The following SP100 variants were observed in gnomAD, a reference collection of about 807,000 sequenced individuals.
The protein encoded by SP100 is SP100 nuclear body protein, also known as nuclear autoantigen Sp-100.
A neutral mutation model predicts 130.0 loss-of-function variants in SP100; 84 were observed. The observed-to-expected ratio is 0.65, with a 90% CI of 0.54 to 0.77. The LOEUF is 0.77. Among genes scored for constraint, SP100 ranks in the 30% least tolerant of loss-of-function variants. The pLI is 0.00. For missense variants in SP100, 978 were observed against 1,052.2 expected (o/e 0.93, Z 0.97); for synonymous variants, 331 against 351.7 (o/e 0.94, Z 0.66).
At chr2:230,478,696 T>C (rs1320664819) in intron 17 of SP100, among the ~76,000 whole-genome samples, 2 of 152,164 alleles carry the variant, frequency 1.3e-5, no homozygotes, top group Non-Finnish European at 2.9e-5. Context: ...ATTTTTAAAA[T>C]CTGGTCAGTG....
chr2:230,471,025 A>T (rs1365694327), intron 15 of SP100, among the ~76,000 whole-genome samples: 2 of 152,220 alleles, frequency 1.3e-5, no homozygotes, highest in Admixed American at 6.5e-5. Context: ...GGAGGGAAAA[A>T]TAAAAATCGC....
In SP100 at chr2:230,449,383, G is replaced by A. The variant is rs746417760; in HGVS notation, c.587-178G>A. The A allele has an allele frequency of 1.5e-5, 12 of 812,744 alleles. No individual in the cohort carries two copies. In the African/African-American group the frequency reaches 1.5e-4, roughly 10 times the overall value. The allele number at this position is 812,744 out of a possible 1,614,324, so 50.3% of individuals were successfully genotyped here. A position where few individuals can be genotyped will look rare whatever the true frequency, so the allele number is the denominator to read the frequency against. ...TGCTGCTGGTTCCTGCTGCCGCTGA[G>A]CCTGGTCGTTTTACCCATGTGCCTG... On this transcript the variant is annotated intron_variant, in intron 6 of 28. Transcript: ENST00000340126.
chr2:230,515,093 A>G, intron 24 of SP100: 1 of 1,612,702 alleles, frequency 6.2e-7, no homozygotes, highest in Non-Finnish European at 8.5e-7. Flanking sequence ...CAAACTTGTC[A>G]GGAGGAGCAT....
intron 24 of SP100, among the ~76,000 whole-genome samples, chr2:230,531,416 T>C (rs1168397167): frequency 9.7e-6 from 1 of 102,710 alleles, no homozygotes; most frequent in Non-Finnish European, 1.9e-5. Context: ...CGGGGCCTGT[T>C]GGGGGGTTGA....
chr2:230,429,312 G>A (rs539608610), intron 2 of SP100, among the ~76,000 whole-genome samples: 8 of 152,252 alleles, frequency 5.3e-5, no homozygotes, highest in African/African-American at 1.4e-4. Context: ...GGTTTCTGCC[G>A]AGAAATTTGC....
chr2:230,424,298 G>A (rs1457786680), intron 2 of SP100, among the ~76,000 whole-genome samples: 1 of 152,222 alleles, frequency 6.6e-6, no homozygotes, highest in East Asian at 1.9e-4. Context: ...TCAAAAGAAT[G>A]AGCCATGCCC....
At chr2:230,506,668 G>A in intron 22 of SP100, 1 of 431,912 alleles carries the variant, frequency 2.3e-6, no homozygotes, top group Non-Finnish European at 4.1e-6. Context: ...TTTGAAGGTT[G>A]GACAGTAAAT....
chr2:230,543,009 A>C lies in SP100; in HGVS notation c.*63A>C. On this transcript the variant is annotated 3_prime_UTR_variant, in exon 29 of 29. Transcript: ENST00000340126. The stretch of plus-strand genomic sequence containing the variant: ...AGCTACGCAATGTGCCTGTGGTCCC[A>C]CTAATCTGTGACTGCTCCTGTGGAA... 1.1e-6 allele frequency: 1 copy of C among 898,076 alleles called. No individual in the cohort carries two copies. The highest frequency in any genetic ancestry group is 1.8e-6 in the Non-Finnish European group (1 of 551,652). 55.6% of individuals were successfully genotyped at this position (898,076 alleles called of 1,614,324 possible).
chr2:230,515,492 A>T (rs1237973777), intron 24 of SP100: 1 of 1,613,230 alleles, frequency 6.2e-7, no homozygotes, highest in Non-Finnish European at 8.5e-7. Context: ...AAATACAAAA[A>T]GGATATTGCT....
chr2:230,503,115 A>G lies in SP100; in HGVS notation c.1765+5A>G. The G allele has an allele frequency of 6.3e-7, 1 of 1,576,736 alleles. No homozygotes were observed. Among genetic ancestry groups the G allele is most frequent in the Non-Finnish European group, 8.7e-7 (1 of 1,150,488 alleles). ...TGAAAAGAAGAAGAAAAAGAGGTAAATAGAAGTGATCGATATGTTTTTCAT... is the reference window on the plus strand; with the variant it reads ...TGAAAAGAAGAAGAAAAAGAGGTAAGTAGAAGTGATCGATATGTTTTTCAT... On this transcript the variant is annotated splice_donor_5th_base_variant and intron_variant, in intron 20 of 28. Transcript: ENST00000340126.
chr2:230,454,632 T>A (rs1252260272), intron 8 of SP100, among the ~76,000 whole-genome samples: 1 of 152,208 alleles, frequency 6.6e-6, no homozygotes, highest in East Asian at 1.9e-4. Context: ...TTCATATCAT[T>A]GTGGTCAGAA....
chr2:230,424,198 A>G (rs562306839), intron 2 of SP100, among the ~76,000 whole-genome samples: 2 of 152,288 alleles, frequency 1.3e-5, no homozygotes, highest in South Asian at 4.1e-4. Flanking sequence ...GCCCCAGAAA[A>G]GAATTTGAAG....
intron 24 of SP100, among the ~76,000 whole-genome samples, chr2:230,514,280 C>T (rs1297865846): frequency 2.0e-5 from 3 of 152,072 alleles, no homozygotes; most frequent in African/African-American, 7.2e-5. Context: ...ATGAGTGATT[C>T]ACAGCATTAA....
intron 24 of SP100, among the ~76,000 whole-genome samples, chr2:230,536,739 C>A (rs1691958033): frequency 2.0e-5 from 2 of 99,578 alleles, no homozygotes; most frequent in Admixed American, 1.0e-4. Flanking sequence ...GCTGCAGCAC[C>A]CGACTAAAGC....
At chr2:230,425,054 C>T (rs1575587453) in intron 2 of SP100, among the ~76,000 whole-genome samples, 1 of 152,118 alleles carries the variant, frequency 6.6e-6, no homozygotes, top group South Asian at 2.1e-4. Flanking sequence ...AGGTGTAAAA[C>T]ATGATGATTT....
intron 24 of SP100, among the ~76,000 whole-genome samples, chr2:230,524,441 C>T (rs1691333153): frequency 6.6e-6 from 1 of 151,200 alleles, no homozygotes; most frequent in East Asian, 1.9e-4. Context: ...TTTTAATAAG[C>T]AAGACTAATT....
At chr2:230,452,991 G>T (rs1432480018) in intron 8 of SP100, among the ~76,000 whole-genome samples, 1 of 152,074 alleles carries the variant, frequency 6.6e-6, no homozygotes, top group Non-Finnish European at 1.5e-5. Context: ...GAATAGAAGT[G>T]AGAATGGGCA....
intron 2 of SP100, 43 bp from the exon 3 acceptor site, chr2:230,442,894 A>C: frequency 6.4e-7 from 1 of 1,569,006 alleles, no homozygotes; most frequent in Admixed American, 1.8e-5. Context: ...CAAACATCTC[A>C]GAATCTTGAT....
chr2:230,518,715 A>C (rs1691035817), intron 24 of SP100, among the ~76,000 whole-genome samples: 1 of 152,106 alleles, frequency 6.6e-6, no homozygotes, highest in Admixed American at 6.5e-5. Context: ...TCATCATTTC[A>C]AGTTATTTTC....
Sources: allele counts gnomAD v4.1 joint callset (sites outside exome capture counted in the v4.1 genomes callset), GRCh38; gene constraint gnomAD v4.1.1; transcripts MANE v1.5; gene names NCBI Gene and HGNC (gene_info 2026-07-23, HGNC 2026-07-21).